Variants in SEMA6D observed in about 807,000 individuals in gnomAD.
SEMA6D encodes the protein semaphorin-6D.
In SEMA6D, 35 loss-of-function variants were observed where a neutral mutation model predicts 106.6. The observed-to-expected ratio is 0.33, with a 90% CI of 0.25 to 0.44. SEMA6D has a LOEUF of 0.44. SEMA6D is among the 20% of genes least tolerant of loss of function. The pLI is 1.00. For missense variants in SEMA6D, 1,185 were observed against 1,345.9 expected, an observed-to-expected ratio of 0.88 and a Z score of 1.87; for synonymous variants, 499 against 487.7, an observed-to-expected ratio of 1.02 and a Z score of -0.31.
chr15:47,309,679 C>T (rs1280096337), intron 1 of SEMA6D, among the ~76,000 whole-genome samples: 2 of 152,136 alleles, frequency 1.3e-5, no homozygotes, highest in East Asian at 3.9e-4. Flanking sequence ...TACTGTACAC[C>T]TGACATACTG....
chr15:47,557,646 T>C (rs765382407), intron 3 of SEMA6D, among the ~76,000 whole-genome samples: 16 of 152,194 alleles, frequency 1.1e-4, no homozygotes, highest in Non-Finnish European at 2.1e-4. Context: ...TTAGTAGCTG[T>C]ACACTTCACA....
Position 47,558,893 on chromosome 15 carries a change from T to TTTC in SEMA6D, c.-86-41972_-86-41971insTTC, listed in dbSNP as rs1286918134. 3.3e-5 allele frequency among the ~76,000 whole-genome samples: 5 copies of TTTC among 151,702 alleles called. No individual in the cohort carries two copies. In the East Asian group the frequency reaches 9.7e-4, roughly 29 times the overall value. On this transcript the variant is annotated intron_variant, in intron 3 of 19. Transcript: ENST00000558014. ...AATGTCACAGAGAAGGGAAGTGGAG[T>TTTC]GAGTTGAAGTAATTAGGAACAACTT...
intron 2 of SEMA6D, among the ~76,000 whole-genome samples, chr15:47,425,656 G>T (rs373584192): frequency 6.7e-6 from 1 of 150,060 alleles, no homozygotes; most frequent in East Asian, 2.0e-4. Flanking sequence ...TGCCTAAATG[G>T]TATTTAAGAT....
chr15:47,452,207 C>A lies in SEMA6D; in HGVS notation c.-158-18267C>A, dbSNP rs561462699. On this transcript the variant is annotated intron_variant, in intron 2 of 19. Transcript: ENST00000558014. ...AAACAAAACTCACTAATGATAATAA[C>A]GATGAGGCAAATCAATAATTTTGTT... Among the ~76,000 whole-genome samples, 5 of 151,898 alleles carry A rather than the reference C, an allele frequency of 3.3e-5. No individual in the cohort carries two copies. The East Asian group carries it at 9.7e-4, about 30-fold the overall frequency.
intron 1 of SEMA6D, among the ~76,000 whole-genome samples, chr15:47,394,922 G>A (rs2040161517): frequency 6.6e-6 from 1 of 151,786 alleles, no homozygotes; most frequent in Admixed American, 6.6e-5. Flanking sequence ...GTGAAGAATA[G>A]GGTAATTCTT....
intron 4 of SEMA6D, among the ~76,000 whole-genome samples, chr15:47,636,376 C>T (rs569965523): frequency 1.3e-5 from 2 of 152,228 alleles, no homozygotes; most frequent in Admixed American, 1.3e-4. Context: ...AATAATGCAA[C>T]CCTTTGTCCC....
At chr15:47,342,877 AT>A in intron 1 of SEMA6D, among the ~76,000 whole-genome samples, 1 of 151,934 alleles carries the variant, frequency 6.6e-6, no homozygotes, top group East Asian at 1.9e-4. Context: ...CACCCAGCTA[AT>A]TTTTTTGTAT....
At chr15:47,600,475 TAGA>T (rs957834050) in intron 3 of SEMA6D, among the ~76,000 whole-genome samples, 29 of 152,274 alleles carry the variant, frequency 1.9e-4, no homozygotes, top group African/African-American at 5.3e-4. Context: ...CTCTTATCTG[TAGA>T]AGAAGATAAA....
chr15:47,246,252 T>C (rs2033190846), intron 1 of SEMA6D, among the ~76,000 whole-genome samples: 1 of 152,002 alleles, frequency 6.6e-6, no homozygotes, highest in Non-Finnish European at 1.5e-5. Flanking sequence ...TGGGGAGCCA[T>C]GGGTGTCTCT....
intron 3 of SEMA6D, among the ~76,000 whole-genome samples, chr15:47,487,371 A>T (rs530045588): frequency 1.3e-5 from 2 of 152,256 alleles, no homozygotes; most frequent in Admixed American, 1.3e-4. Flanking sequence ...ACCAGCATAA[A>T]AATTCGTGTC....
At chr15:47,568,044 T>C (rs1157864194) in intron 3 of SEMA6D, among the ~76,000 whole-genome samples, 1 of 152,148 alleles carries the variant, frequency 6.6e-6, no homozygotes, top group Non-Finnish European at 1.5e-5. Flanking sequence ...TTTAAAACAA[T>C]TTAAAACTAG....
At chr15:47,611,139 C>T (rs1249488091) in intron 4 of SEMA6D, among the ~76,000 whole-genome samples, 1 of 137,450 alleles carries the variant, frequency 7.3e-6, no homozygotes, top group Admixed American at 7.5e-5. Context: ...CCACTGCCAC[C>T]GTCCTACATA....
chr15:47,264,635 C>T (rs2034230885), intron 1 of SEMA6D, among the ~76,000 whole-genome samples: 1 of 151,970 alleles, frequency 6.6e-6, no homozygotes, highest in African/African-American at 2.4e-5. Flanking sequence ...ACTTCCAGTA[C>T]ACTATTAAAT....
At chr15:47,254,875 T>TTGTG (rs58271041) in intron 1 of SEMA6D, among the ~76,000 whole-genome samples, 6,628 of 134,266 alleles carry the variant, frequency 0.049, 235 homozygotes, top group East Asian at 0.14. Context: ...ACCTGTGGTT[T>TTGTG]TGTGTGTGTG....
intron 2 of SEMA6D, among the ~76,000 whole-genome samples, chr15:47,453,713 C>T (rs1410497878): frequency 6.6e-6 from 1 of 151,940 alleles, no homozygotes; most frequent in Non-Finnish European, 1.5e-5. Context: ...ACAGGAGCCA[C>T]TTCTAATAGC....
chr15:47,598,561 CT>C (rs2143283584), intron 3 of SEMA6D, among the ~76,000 whole-genome samples: 1 of 152,264 alleles, frequency 6.6e-6, no homozygotes, highest in African/African-American at 2.4e-5. Context: ...GACCACTCCC[CT>C]GTACAAAATG....
intron 4 of SEMA6D, among the ~76,000 whole-genome samples, chr15:47,645,960 T>A (rs1223029916): frequency 6.6e-6 from 1 of 152,128 alleles, no homozygotes; most frequent in Non-Finnish European, 1.5e-5. Flanking sequence ...AGCTTCCGTG[T>A]CCTCTCAGGG....
At chr15:47,565,764 C>T (rs2046213251) in intron 3 of SEMA6D, among the ~76,000 whole-genome samples, 1 of 152,098 alleles carries the variant, frequency 6.6e-6, no homozygotes, top group Non-Finnish European at 1.5e-5. Context: ...TGTAAAATTC[C>T]AGAAAAGTAG....
intron 2 of SEMA6D, among the ~76,000 whole-genome samples, chr15:47,452,563 A>G (rs909095377): frequency 1.3e-5 from 2 of 151,998 alleles, no homozygotes; most frequent in African/African-American, 4.8e-5. Flanking sequence ...TTCTTTTATC[A>G]TAAAAAATAC....
Sources: allele counts gnomAD v4.1 joint callset (sites outside exome capture counted in the v4.1 genomes callset), GRCh38; gene constraint gnomAD v4.1.1; transcripts MANE v1.5; gene names NCBI Gene and HGNC (gene_info 2026-07-23, HGNC 2026-07-21).